The following HS6ST3 variants were observed in gnomAD, a reference collection of about 807,000 sequenced individuals.
The protein encoded by HS6ST3 is heparan-sulfate 6-O-sulfotransferase 3.
In HS6ST3, 12 loss-of-function variants were observed where a neutral mutation model predicts 36.7. The ratio of observed to expected loss-of-function variants is 0.33; its 90% confidence interval spans 0.21 to 0.53. The LOEUF (loss-of-function observed/expected upper bound fraction) is 0.53, where lower values mean the gene tolerates loss of function less well. Among genes scored for constraint, HS6ST3 ranks in the 20% least tolerant of loss-of-function variants. HS6ST3 has a pLI of 0.95. For synonymous variants in HS6ST3, 240 were observed against 257.5 expected, an observed-to-expected ratio of 0.93 and a Z score of 0.65; for missense variants, 584 against 640.9, an observed-to-expected ratio of 0.91 and a Z score of 0.96.
intron 1 of HS6ST3, among the ~76,000 whole-genome samples, chr13:96,397,984 A>G (rs1202512724): frequency 6.6e-6 from 1 of 152,186 alleles, no homozygotes; most frequent in Non-Finnish European, 1.5e-5. Context: ...TTGCTGCTGT[A>G]CAGGAAAATG....
intron 1 of HS6ST3, among the ~76,000 whole-genome samples, chr13:96,162,745 A>G (rs1029796541): frequency 6.6e-6 from 1 of 152,234 alleles, no homozygotes; most frequent in African/African-American, 2.4e-5. Flanking sequence ...CACAGTTAAG[A>G]TGAAAGGCAA....
chr13:96,643,061 C>T (rs1166726414), intron 1 of HS6ST3, among the ~76,000 whole-genome samples: 1 of 151,892 alleles, frequency 6.6e-6, no homozygotes, highest in African/African-American at 2.4e-5. Flanking sequence ...AGATTTGTTG[C>T]TATTTATTAT....
At chr13:96,185,815 G>A (rs2054262349) in intron 1 of HS6ST3, among the ~76,000 whole-genome samples, 1 of 152,196 alleles carries the variant, frequency 6.6e-6, no homozygotes, top group Non-Finnish European at 1.5e-5. Context: ...TTCACTCTGT[G>A]TTTGCTTGCC....
At chr13:96,250,743 T>A (rs997760530) in intron 1 of HS6ST3, among the ~76,000 whole-genome samples, 4 of 152,212 alleles carry the variant, frequency 2.6e-5, no homozygotes, top group African/African-American at 9.6e-5. Context: ...TATGACTAGA[T>A]ACCGGCAGTA....
At chr13:96,739,219 T>TTGTGTGTG (rs3138578) in intron 1 of HS6ST3, among the ~76,000 whole-genome samples, 3 of 126,234 alleles carry the variant, frequency 2.4e-5, no homozygotes, top group Non-Finnish European at 3.4e-5. Context: ...CGACATTTGC[T>TTGTGTGTG]TGTGTGTGTG....
At chr13:96,610,820 C>T (rs886533118) in intron 1 of HS6ST3, among the ~76,000 whole-genome samples, 1 of 151,286 alleles carries the variant, frequency 6.6e-6, no homozygotes, top group Non-Finnish European at 1.5e-5. Context: ...GAGCCCATTC[C>T]CCAGAGAAGT....
intron 1 of HS6ST3, among the ~76,000 whole-genome samples, chr13:96,353,230 C>T (rs1410533903): frequency 6.6e-6 from 1 of 151,552 alleles, no homozygotes; most frequent in Non-Finnish European, 1.5e-5. Context: ...GACAGAGTTT[C>T]ACCATGTTGT....
At chr13:96,470,949 T>C (rs1371670601) in intron 1 of HS6ST3, among the ~76,000 whole-genome samples, 2 of 152,194 alleles carry the variant, frequency 1.3e-5, no homozygotes, top group Admixed American at 1.3e-4. Flanking sequence ...CATCTGTAAT[T>C]TTTTTGTCAT....
intron 1 of HS6ST3, among the ~76,000 whole-genome samples, chr13:96,313,530 C>A (rs2054952215): frequency 6.6e-6 from 1 of 152,030 alleles, no homozygotes; most frequent in African/African-American, 2.4e-5. Flanking sequence ...ATTTACGTAT[C>A]TTAGGTCATG....
chr13:96,462,227 G>A (rs1050610015), intron 1 of HS6ST3, among the ~76,000 whole-genome samples: 5 of 151,926 alleles, frequency 3.3e-5, no homozygotes, highest in African/African-American at 1.2e-4. Flanking sequence ...GTGCCACCAT[G>A]CCAGACTAGT....
chr13:96,283,088 A>G (rs2054783564), intron 1 of HS6ST3, among the ~76,000 whole-genome samples: 1 of 152,082 alleles, frequency 6.6e-6, no homozygotes, highest in Non-Finnish European at 1.5e-5. Flanking sequence ...CCCAGACTCA[A>G]TGTTTGTTTC....
intron 1 of HS6ST3, among the ~76,000 whole-genome samples, chr13:96,144,997 A>G (rs1247505907): frequency 7.9e-5 from 12 of 151,452 alleles, no homozygotes; most frequent in Non-Finnish European, 1.6e-4. Context: ...TTATGGCTAC[A>G]TAGTATTCTG....
intron 1 of HS6ST3, among the ~76,000 whole-genome samples, chr13:96,723,616 G>A (rs1277597033): frequency 6.6e-6 from 1 of 152,072 alleles, no homozygotes; most frequent in African/African-American, 2.4e-5. Context: ...AACTCTCTTT[G>A]CAGTTCTTCT....
At chr13:96,735,818 G>A (rs1052512175) in intron 1 of HS6ST3, among the ~76,000 whole-genome samples, 17 of 152,226 alleles carry the variant, frequency 1.1e-4, no homozygotes, top group African/African-American at 2.9e-4. Context: ...AAAACTCACC[G>A]TATGCTGTAG....
intron 1 of HS6ST3, among the ~76,000 whole-genome samples, chr13:96,639,026 T>C (rs987422948): frequency 6.6e-6 from 1 of 151,996 alleles, no homozygotes; most frequent in South Asian, 2.1e-4. Flanking sequence ...GAGAAGAACA[T>C]GTAGTCTTCT....
At chr13:96,202,576 C>T (rs2095062664) in intron 1 of HS6ST3, among the ~76,000 whole-genome samples, 1 of 152,188 alleles carries the variant, frequency 6.6e-6, no homozygotes, top group Admixed American at 6.5e-5. Context: ...ATTGGAGCAG[C>T]TGCTCTCATT....
Position 96,593,174 on chromosome 13 carries a change from C to CTTTTTTTTTTTTTTTT in HS6ST3, c.708-239304_708-239289dup, listed in dbSNP as rs35380296. On this transcript the variant is annotated intron_variant, in intron 1 of 1. Transcript: ENST00000376705. The stretch of plus-strand genomic sequence containing the variant: ...CTCTGACTGTGTATTTTCTTTCTTT[C>CTTTTTTTTTTTTTTTT]TTTTTTTTTTTTTTTTTTTTTTTTT... Among the ~76,000 whole-genome samples, 7 of 46,622 alleles carry CTTTTTTTTTTTTTTTT rather than the reference C, an allele frequency of 1.5e-4. 2 individuals carry two copies. Among genetic ancestry groups the CTTTTTTTTTTTTTTTT allele is most frequent in the East Asian group, 8.6e-4 (1 of 1,166 alleles). The allele number at this position is 46,622 out of a possible 152,430, so 30.6% of individuals were successfully genotyped here. A position where few individuals can be genotyped will look rare whatever the true frequency, so the allele number is the denominator to read the frequency against.
At chr13:96,153,002 A>T (rs2054094521) in intron 1 of HS6ST3, among the ~76,000 whole-genome samples, 1 of 152,034 alleles carries the variant, frequency 6.6e-6, no homozygotes, top group South Asian at 2.1e-4. Flanking sequence ...TACCTGTTAA[A>T]CTAGTTACCA....
Position 96,091,309 on chromosome 13 carries a change from G to A in HS6ST3, c.447G>A (p.Val149=). Residue 149 remains valine, a synonymous_variant, in exon 1 of 2, where the codon GTG becomes GTA. Transcript: ENST00000376705. ...DFNIKGRDVI[V]FLHIQKTGGT... ...ACATCAAAGGGCGCGACGTGATCGT[G>A]TTCCTCCACATCCAGAAGACGGGGG... 2 of 1,613,950 alleles carry A rather than the reference G, an allele frequency of 1.2e-6. No homozygotes were observed. The highest frequency in any genetic ancestry group is 1.7e-6 in the Non-Finnish European group (2 of 1,179,972).
Sources: gnomAD v4.1 joint callset for allele counts (sites outside exome capture counted in the v4.1 genomes callset) on GRCh38, gnomAD v4.1.1 for gene constraint, MANE v1.5 for transcripts, NCBI Gene and HGNC (gene_info 2026-07-23, HGNC 2026-07-21) for gene names.